IL10RA: variants seen among roughly 807,000 people sequenced by gnomAD.
The protein encoded by IL10RA is interleukin 10 receptor subunit alpha.
A neutral mutation model predicts 29.6 loss-of-function variants in IL10RA; 18 were observed. The ratio of observed to expected loss-of-function variants is 0.61; its 90% CI spans 0.42 to 0.90. The LOEUF (loss-of-function observed/expected upper bound fraction) is 0.90, where lower values mean the gene tolerates loss of function less well. Among genes scored for constraint, IL10RA ranks in the 40% least tolerant of loss-of-function variants. The pLI is 0.00. For missense variants in IL10RA, 634 were observed against 716.6 expected, an observed-to-expected ratio of 0.88 and a Z score of 1.32; for synonymous variants, 292 against 294.1, an observed-to-expected ratio of 0.99 and a Z score of 0.07.
At chr11:117,990,436 C>G (rs557095673) in intron 3 of IL10RA, among the ~76,000 whole-genome samples, 3 of 151,816 alleles carry the variant, frequency 2.0e-5, no homozygotes, top group Non-Finnish European at 4.4e-5. Context: ...GAGGAAATCA[C>G]CATATTTGTA....
At chr11:117,994,734 A>G (rs2058045708) in intron 5 of IL10RA, among the ~76,000 whole-genome samples, 1 of 152,060 alleles carries the variant, frequency 6.6e-6, no homozygotes. Flanking sequence ...GTAACAAGCA[A>G]CTCTTATTGG....
At chr11:118,001,804 C>A, downstream of IL10RA, 1 of 197,188 alleles carries the variant, frequency 5.1e-6, no homozygotes, top group Non-Finnish European at 1.1e-5. Context: ...GTACTATGTG[C>A]CACTAGCTGT....
At chr11:117,991,163 A>G (rs1186314780) in intron 3 of IL10RA, among the ~76,000 whole-genome samples, 1 of 152,116 alleles carries the variant, frequency 6.6e-6, no homozygotes, top group Non-Finnish European at 1.5e-5. Flanking sequence ...AAGCCATTGC[A>G]CTCCAGTCTG....
In IL10RA at chr11:117,999,098, G is replaced by A. The variant is rs2134996329; in HGVS notation, c.1194G>A (p.Gln398=). ...AGGTGGGGAGCAACAGCAGGGGCCAGGATGACAGTGGCATTGACTTAGTTC... is the reference window on the plus strand; with the variant it reads ...AGGTGGGGAGCAACAGCAGGGGCCAAGATGACAGTGGCATTGACTTAGTTC... ...EQQVGSNSRG[Q]DDSGIDLVQN... The change falls in exon 7 of 7, where the codon CAG becomes CAA. Residue 398 remains glutamine, a synonymous_variant. Transcript: ENST00000227752. 3 of 1,611,500 alleles carry A rather than the reference G, an allele frequency of 1.9e-6. No homozygotes were observed. The highest frequency in any genetic ancestry group is 3.3e-4 in the Middle Eastern group (2 of 6,056).
rs1206008410 is a variant in IL10RA at position 117,998,726 on chromosome 11, G to A, written c.822G>A (p.Lys274=). 2.5e-6 allele frequency: 4 copies of A among 1,614,060 alleles called. No homozygotes were observed. Among genetic ancestry groups the A allele is most frequent in the Non-Finnish European group, 3.4e-6 (4 of 1,179,964 alleles). ...KKLPSVLLFK[K]PSPFIFISQR... ...CCTCTCTTCCCCAGCTCTTCAAGAA[G>A]CCCAGCCCCTTCATCTTCATCAGCC... Residue 274 remains lysine (K), a synonymous_variant, in exon 7 of 7, where the codon AAG becomes AAA. Coordinates refer to ENST00000227752, the MANE Select transcript of IL10RA (RefSeq NM_001558.4).
rs925961843 is a variant in IL10RA, at chr11:117,989,150, G to A, written c.189-292G>A. On this transcript the variant is annotated intron_variant, in intron 2 of 6. Transcript: ENST00000227752. This position sits in a 1 kb window ranked among gnomAD's most constrained non-coding sequence, Gnocchi z 4.5. Reference sequence around the variant, plus strand: ...ACACTAATGACTGTAAAGGCAGTGGGGAGAAGGGAGAGACCAGGCTGTGCT... The same window carrying A: ...ACACTAATGACTGTAAAGGCAGTGGAGAGAAGGGAGAGACCAGGCTGTGCT... 6.6e-6 allele frequency among the ~76,000 whole-genome samples: 1 copy of A among 152,234 alleles called. No homozygotes were observed. Among genetic ancestry groups the A allele is most frequent in the Admixed American group, 6.5e-5 (1 of 15,286 alleles).
chr11:118,001,660 C>A, downstream of IL10RA: 1 of 331,098 alleles, frequency 3.0e-6, no homozygotes, highest in South Asian at 2.5e-5. Flanking sequence ...GTATTGTGAC[C>A]TTGGGCCCAT....
chr11:117,993,416 G>T lies in IL10RA; in HGVS notation c.537+6G>T. The stretch of plus-strand genomic sequence containing the variant: ...AGGTGCCGGGAAACTTCACGGTATG[G>T]GGTTCCCCAAGGCCCCAGGGCCAGA... On this transcript the variant is annotated splice_donor_region_variant and intron_variant, in intron 4 of 6. Coordinates refer to ENST00000227752, the MANE Select transcript of IL10RA (RefSeq NM_001558.4). 6.2e-7 allele frequency: 1 copy of T among 1,613,658 alleles called. No individual in the cohort carries two copies.
chr11:117,988,101 G>A (rs918198090), intron 1 of IL10RA: 40 of 491,586 alleles, frequency 8.1e-5, no homozygotes, highest in South Asian at 2.4e-4. Flanking sequence ...CTTAGCCCTC[G>A]GCCCCTGCCT....
chr11:117,996,584 G>A (rs2058058058), intron 6 of IL10RA, among the ~76,000 whole-genome samples: 1 of 152,240 alleles, frequency 6.6e-6, no homozygotes, highest in African/African-American at 2.4e-5. Flanking sequence ...CCCACAACTG[G>A]AAGGGGAATC....
In IL10RA at chr11:117,999,075, G is replaced by A; in HGVS notation, c.1171G>A (p.Val391Met). The A allele has an allele frequency of 6.2e-7, 1 of 1,611,582 alleles. No individual in the cohort carries two copies. The highest frequency in any genetic ancestry group is 8.5e-7 in the Non-Finnish European group (1 of 1,177,880). ...PSTGPTWEQQVGSNSRGQDDS... is the reference protein window; with the variant it reads ...PSTGPTWEQQMGSNSRGQDDS... ...CACAGGGCCCACCTGGGAGCAACAGGTGGGGAGCAACAGCAGGGGCCAGGA... is the reference window on the plus strand; with the variant it reads ...CACAGGGCCCACCTGGGAGCAACAGATGGGGAGCAACAGCAGGGGCCAGGA... Residue 391 changes from valine (V) to methionine (M), a missense_variant, in exon 7 of 7, where the codon GTG (valine) becomes ATG (methionine). Physicochemically the swap from Val to Met is conservative, Grantham distance 21. Transcript: ENST00000227752.
In IL10RA at chr11:118,000,788, C is replaced by T. The variant is rs527246428; in HGVS notation, c.*1147C>T. On this transcript the variant is annotated 3_prime_UTR_variant, in exon 7 of 7. Transcript: ENST00000227752. ...GTCCTGGGAGAATGCAGATACTGTC[C>T]GTGGACTACCAAGCTGGCTTGTTTC... 1.1e-3 allele frequency: 490 copies of T among 454,218 alleles called. 1 individual carries two copies. The highest frequency in any genetic ancestry group is 1.7e-3 in the Non-Finnish European group (392 of 226,766). 28.1% of individuals were successfully genotyped at this position (454,218 alleles called of 1,614,324 possible). A position where few individuals can be genotyped will look rare whatever the true frequency, so the allele number is the denominator to read the frequency against.
Position 117,989,901 on chromosome 11 carries a change from G to GT in IL10RA, c.367+287dup, listed in dbSNP as rs2058010890. Among the ~76,000 whole-genome samples the GT allele has an allele frequency of 6.6e-6, 1 of 152,118 alleles. No individual in the cohort carries two copies. The highest frequency in any genetic ancestry group is 2.1e-4 in the South Asian group (1 of 4,822). ...TCACCAGGTCCAGGCCTGTGAACTT[G>GT]TTTTTTCAGGGAGGGTTCAGGGAGA... On this transcript the variant is annotated intron_variant, in intron 3 of 6. Transcript: ENST00000227752. The surrounding 1 kb of genome is among the most constrained non-coding windows in gnomAD (Gnocchi z 4.5).
At chr11:117,994,702 T>C (rs1467793631) in intron 5 of IL10RA, among the ~76,000 whole-genome samples, 1 of 152,150 alleles carries the variant, frequency 6.6e-6, no homozygotes, top group Non-Finnish European at 1.5e-5. Context: ...GCTGGGGAGA[T>C]AGAGTGTGCA....
In IL10RA at chr11:117,988,425, A is replaced by C. The variant is rs375630665; in HGVS notation, c.111A>C (p.Glu37Asp). ...CTCCGTCTGTGTGGTTTGAAGCAGA[A>C]TTTTTCCACCACATCCTCCACTGGA... ...PSPPSVWFEAEFFHHILHWTP... is the reference protein window; with the variant it reads ...PSPPSVWFEADFFHHILHWTP... The change falls in exon 2 of 7, where the codon GAA becomes GAC. Residue 37 changes from glutamate to aspartate, a missense_variant. Transcript: ENST00000227752. 6.2e-7 allele frequency: 1 copy of C among 1,613,908 alleles called. No homozygotes were observed. Among genetic ancestry groups the C allele is most frequent in the Non-Finnish European group, 8.5e-7 (1 of 1,179,990 alleles).
chr11:117,999,791 G>T lies in IL10RA; in HGVS notation c.*150G>T. 1.3e-6 allele frequency: 1 copy of T among 743,990 alleles called. No homozygotes were observed. The highest frequency in any genetic ancestry group is 2.4e-6 in the Non-Finnish European group (1 of 424,014). 46.1% of individuals were successfully genotyped at this position (743,990 alleles called of 1,614,324 possible). On this transcript the variant is annotated 3_prime_UTR_variant, in exon 7 of 7. Coordinates refer to ENST00000227752, the MANE Select transcript of IL10RA (RefSeq NM_001558.4). The stretch of plus-strand genomic sequence containing the variant: ...GCTGGCCCCAGCCAGGCCCTGCAGG[G>T]CTGGTCAGGGTGTCTGGGGCAGGAG...
rs758559066 is a variant in IL10RA, at chr11:117,988,519, A to AGGGAGG, written c.188+25_188+30dup. The AGGGAGG allele has an allele frequency of 6.2e-7, 1 of 1,612,214 alleles. No individual in the cohort carries two copies. The highest frequency in any genetic ancestry group is 8.5e-7 in the Non-Finnish European group (1 of 1,178,278). On this transcript the variant is annotated intron_variant, in intron 2 of 6. Transcript: ENST00000227752. Reference sequence around the variant, plus strand: ...GCTCCTGAGGTGAGGAAAAGGGAAGAGGGAGGGGGAGGGAGGAGTGAATCC... The same window carrying AGGGAGG: ...GCTCCTGAGGTGAGGAAAAGGGAAGAGGGAGGGGGAGGGGGAGGGAGGAGTGAATCC...
At position 117,999,062 on chromosome 11, in the gene IL10RA, C is replaced by G. The variant is rs4252290; in HGVS notation, c.1158C>G (p.Thr386=). The stretch of plus-strand genomic sequence containing the variant: ...GCCTGAGCCCCAGCACAGGGCCCAC[C>G]TGGGAGCAACAGGTGGGGAGCAACA... ...EPSLSPSTGP[T]WEQQVGSNSR... is the part of the protein sequence containing the mutation. Residue 386 remains threonine, a synonymous_variant, in exon 7 of 7, where the codon ACC becomes ACG. Coordinates refer to ENST00000227752, the MANE Select transcript of IL10RA (RefSeq NM_001558.4). 2.9e-4 allele frequency: 474 copies of G among 1,611,816 alleles called. 1 individual carries two copies. In the African/African-American group the frequency reaches 5.5e-3, roughly 19 times the overall value.
At position 118,000,146 on chromosome 11, in the gene IL10RA, T is replaced by C; in HGVS notation, c.*505T>C. The C allele has an allele frequency of 2.2e-6, 1 of 454,228 alleles. No homozygotes were observed. Among genetic ancestry groups the C allele is most frequent in the Non-Finnish European group, 4.4e-6 (1 of 227,034 alleles). 28.1% of individuals were successfully genotyped at this position (454,228 alleles called of 1,614,324 possible). A position where few individuals can be genotyped will look rare whatever the true frequency, so the allele number is the denominator to read the frequency against. On this transcript the variant is annotated 3_prime_UTR_variant, in exon 7 of 7. Transcript: ENST00000227752. ...CATTTTTAGGGGAAAAAGGAGGATA[T>C]GATGGTCACATGGGGAACCTCCCCT...
Sources: allele counts gnomAD v4.1 joint callset (sites outside exome capture counted in the v4.1 genomes callset), GRCh38; gene constraint gnomAD v4.1.1; non-coding constraint Gnocchi (gnomAD v3.1); transcripts MANE v1.5; gene names NCBI Gene and HGNC (gene_info 2026-07-23, HGNC 2026-07-21).